The following WDPCP variants were observed in gnomAD, a reference collection of about 807,000 sequenced individuals.
The protein encoded by WDPCP is WD repeat-containing and planar cell polarity effector protein fritz homolog.
Under a neutral mutation model 93.1 loss-of-function variants are expected in WDPCP, and 71 were observed. The observed-to-expected ratio is 0.76, with a 90% CI of 0.63 to 0.93. The LOEUF (loss-of-function observed/expected upper bound fraction) is 0.93. WDPCP is among the 40% of genes least tolerant of loss of function. WDPCP has a pLI of 0.00. For synonymous variants in WDPCP, 315 were observed against 315.0 expected, an observed-to-expected ratio of 1.00 and a Z score of 0.00; for missense variants, 844 against 887.4, an observed-to-expected ratio of 0.95 and a Z score of 0.62.
intron 17 of WDPCP, among the ~76,000 whole-genome samples, chr2:63,140,826 C>T (rs945944611): frequency 2.2e-4 from 33 of 152,264 alleles, no homozygotes; most frequent in South Asian, 2.1e-4. Flanking sequence ...TCTGATTGCT[C>T]TGGCTAGGAC....
chr2:63,132,889 G>A (rs1476342030), intron 17 of WDPCP, among the ~76,000 whole-genome samples: 1 of 151,984 alleles, frequency 6.6e-6, no homozygotes, highest in Non-Finnish European at 1.5e-5. Flanking sequence ...ATTATTGAAT[G>A]GTCCATGTTT....
rs532850194 is a variant in WDPCP at position 63,437,421 on chromosome 2, C to T, written c.633G>A (p.Lys211=). Residue 211 remains lysine, a splice_region_variant and synonymous_variant, in exon 8 of 18, where the codon AAG becomes AAA. Coordinates refer to ENST00000272321, the MANE Select transcript of WDPCP (RefSeq NM_015910.7). ...RLEKLSALDY[K]IFYYEIPGPI... ...TGACTATATAAATCAAAATCTCTACCTTATAATCCAAGGCTGAGAGTTTTT... is the reference window on the plus strand; with the variant it reads ...TGACTATATAAATCAAAATCTCTACTTTATAATCCAAGGCTGAGAGTTTTT... 2 of 1,596,604 alleles carry T rather than the reference C, an allele frequency of 1.3e-6. No homozygotes were observed. The highest frequency in any genetic ancestry group is 1.3e-5 in the African/African-American group (1 of 74,440).
In WDPCP at chr2:63,493,731, A is replaced by G. The variant is rs773944106; in HGVS notation, c.76-791T>C. On this transcript the variant is annotated intron_variant, in intron 1 of 17. Coordinates refer to ENST00000272321, the MANE Select transcript of WDPCP (RefSeq NM_015910.7). ...AGGTCAACATTTTACAAAAGTTTGA[A>G]AGGAATTTATATAATTTTCAAATGT... is the stretch of plus-strand genomic sequence containing the variant. Among the ~76,000 whole-genome samples, 43 of 152,116 alleles carry G rather than the reference A, an allele frequency of 2.8e-4. 1 individual carries two copies. The highest frequency in any genetic ancestry group is 1.5e-4 in the Non-Finnish European group (10 of 68,024).
intron 17 of WDPCP, among the ~76,000 whole-genome samples, chr2:63,143,396 G>A (rs1671241316): frequency 6.6e-6 from 1 of 152,182 alleles, no homozygotes; most frequent in Admixed American, 6.5e-5. Flanking sequence ...TCTTTTAAGA[G>A]GAGCATTTAG....
intron 13 of WDPCP, among the ~76,000 whole-genome samples, chr2:63,272,946 G>C (rs1243484121): frequency 6.6e-6 from 1 of 152,224 alleles, no homozygotes; most frequent in Non-Finnish European, 1.5e-5. Context: ...TTCAAGCCAC[G>C]TTATAGTCAC....
chr2:63,763,023 A>G (rs918291490), intron 2 of WDPCP, among the ~76,000 whole-genome samples: 2 of 152,224 alleles, frequency 1.3e-5, no homozygotes, highest in African/African-American at 4.8e-5. Context: ...CATGACAAAC[A>G]GAGTCTTGAT....
intron 3 of WDPCP, among the ~76,000 whole-genome samples, chr2:63,633,767 A>C (rs1709889389): frequency 2.0e-5 from 3 of 152,202 alleles, no homozygotes; most frequent in Non-Finnish European, 4.4e-5. Flanking sequence ...TTTTATTTAA[A>C]TGGGTTAAAT....
intron 1 of WDPCP, among the ~76,000 whole-genome samples, chr2:63,820,628 C>A (rs535229376): frequency 6.6e-6 from 1 of 152,178 alleles, no homozygotes; most frequent in African/African-American, 2.4e-5. Flanking sequence ...CCCTTAGAAG[C>A]GGGGGCTTGT....
chr2:63,207,857 G>A (rs1289279463), intron 14 of WDPCP, among the ~76,000 whole-genome samples: 1 of 152,068 alleles, frequency 6.6e-6, no homozygotes, highest in East Asian at 1.9e-4. Flanking sequence ...CTCATTTTAT[G>A]TATGTTGGAT....
intron 2 of WDPCP, chr2:63,752,513 C>A: frequency 1.3e-6 from 1 of 749,748 alleles, no homozygotes; most frequent in Non-Finnish European, 2.4e-6. Context: ...GACCACACAG[C>A]TTGTGAGCAT....
chr2:63,549,735 C>G (rs1473080359), intron 1 of WDPCP, among the ~76,000 whole-genome samples: 1 of 152,088 alleles, frequency 6.6e-6, no homozygotes, highest in Non-Finnish European at 1.5e-5. Context: ...CACTGCAACT[C>G]CATCCTGGAC....
intron 14 of WDPCP, among the ~76,000 whole-genome samples, chr2:63,253,495 T>G (rs1680904942): frequency 6.6e-6 from 1 of 152,078 alleles, no homozygotes; most frequent in Non-Finnish European, 1.5e-5. Flanking sequence ...ATGCTATGCA[T>G]TTAACAAAGG....
chr2:63,527,923 G>A (rs1157592968), intron 1 of WDPCP, among the ~76,000 whole-genome samples: 1 of 152,072 alleles, frequency 6.6e-6, no homozygotes, highest in Non-Finnish European at 1.5e-5. Flanking sequence ...TAACTGGTGT[G>A]AGATGGTATC....
rs1167945246 is a variant in WDPCP, at chr2:63,174,729, G to C, written c.2019C>G (p.Pro673=). Reference sequence around the variant, plus strand: ...AAATATGTCTGTGGGTTGGGCAAGAGGGAGGGAGGTTATCTGGAAATGAGT... The same window carrying C: ...AAATATGTCTGTGGGTTGGGCAAGACGGAGGGAGGTTATCTGGAAATGAGT... The part of the protein sequence containing the change: ...GEDSFPDNLP[P]SCPTHRHILQ... Residue 673 remains proline, a synonymous_variant, in exon 15 of 18, where the codon CCC becomes CCG. Transcript: ENST00000272321. The C allele has an allele frequency of 1.2e-6, 2 of 1,613,890 alleles. No individual in the cohort carries two copies. The highest frequency in any genetic ancestry group is 1.7e-6 in the Non-Finnish European group (2 of 1,179,934).
In WDPCP at chr2:63,790,297, T is replaced by C. The variant is rs1482954380; in HGVS notation, n.308+23325A>G. ...TATAACAATCGATAAATTCACACAG[T>C]TGATGCTATGGATTCTGATACTCAG... is the stretch of plus-strand genomic sequence containing the variant. On this transcript the variant is annotated intron_variant and non_coding_transcript_variant, in intron 2 of 4. Transcript: ENST00000467687. Among the ~76,000 whole-genome samples, 2 of 152,144 alleles carry C rather than the reference T, an allele frequency of 1.3e-5. 1 individual carries two copies. Among genetic ancestry groups the C allele is most frequent in the Middle Eastern group, 6.3e-3 (2 of 316 alleles).
At chr2:63,546,970 A>G (rs775523953) in intron 1 of WDPCP, among the ~76,000 whole-genome samples, 13 of 152,136 alleles carry the variant, frequency 8.5e-5, no homozygotes, top group Non-Finnish European at 1.9e-4. Flanking sequence ...AATGAAAAAT[A>G]TAATACTTGA....
rs1157190338 is a variant in WDPCP, at chr2:63,127,708, C to CAT, written c.2191-5654_2191-5653dup. ...ATATATATATATACGCACACACACA[C>CAT]ATATATATATGCACACACTCCCTAT... is the stretch of plus-strand genomic sequence containing the variant. On this transcript the variant is annotated intron_variant, in intron 17 of 17. Coordinates refer to ENST00000272321, the MANE Select transcript of WDPCP (RefSeq NM_015910.7). Among the ~76,000 whole-genome samples the CAT allele has an allele frequency of 7.4e-5, 11 of 147,654 alleles. No individual in the cohort carries two copies. The East Asian group carries it at 9.9e-4, about 13-fold the overall frequency.
chr2:63,746,641 C>T (rs1307749614), intron 2 of WDPCP, among the ~76,000 whole-genome samples: 1 of 152,118 alleles, frequency 6.6e-6, no homozygotes, highest in Non-Finnish European at 1.5e-5. Context: ...CTGCCTTATG[C>T]AGATGTAGAT....
chr2:63,180,688 T>A (rs112133259), intron 14 of WDPCP, among the ~76,000 whole-genome samples: 122 of 152,252 alleles, frequency 8.0e-4, no homozygotes, highest in Non-Finnish European at 1.5e-3. Context: ...TTCCTTTGGG[T>A]AGATAGCCAG....
Sources: gnomAD v4.1 joint callset for allele counts (sites outside exome capture counted in the v4.1 genomes callset) on GRCh38, gnomAD v4.1.1 for gene constraint, MANE v1.5 for transcripts, NCBI Gene and HGNC (gene_info 2026-07-23, HGNC 2026-07-21) for gene names.